The following ZFP69 variants were observed in gnomAD, a reference collection of about 807,000 sequenced individuals.
ZFP69 encodes the protein zinc finger protein 69 homolog.
A neutral mutation model predicts 48.9 loss-of-function variants in ZFP69; 35 were observed. That is an observed-to-expected ratio of 0.72 (90% CI 0.55 to 0.95). The LOEUF (loss-of-function observed/expected upper bound fraction) is 0.95. ZFP69 is among the 40% of genes least tolerant of loss of function. ZFP69 has a pLI of 0.00. For missense variants in ZFP69, 557 were observed against 638.4 expected (o/e 0.87, Z 1.37); for synonymous variants, 193 against 216.8 (o/e 0.89, Z 0.96).
chr1:40,485,897 T>TTTGTTG (rs775563096), intron 3 of ZFP69, among the ~76,000 whole-genome samples: 11 of 151,978 alleles, frequency 7.2e-5, no homozygotes, highest in Non-Finnish European at 1.6e-4. Flanking sequence ...ATAGGTGTGA[T>TTTGTTG]TTGTTGTTGT....
At chr1:40,481,910 A>C in intron 3 of ZFP69, 56 bp downstream of exon 3, 1 of 1,392,726 alleles carries the variant, frequency 7.2e-7, no homozygotes, top group East Asian at 2.3e-5. Context: ...TTTAGGGTAT[A>C]TAACCTGTCT....
chr1:40,496,296 GTTTT>G lies in ZFP69; in HGVS notation c.*241_*244del, dbSNP rs1324080824. ...TCAGCATTATGAAAAATTCATAACA[GTTTT>G]TTTCTGATTTCATGGTGGATTAATA... On this transcript the variant is annotated 3_prime_UTR_variant, in exon 6 of 6. Transcript: ENST00000372706. 1 of 355,998 alleles carries G rather than the reference GTTTT, an allele frequency of 2.8e-6. No homozygotes were observed. The highest frequency in any genetic ancestry group is 5.0e-6 in the Non-Finnish European group (1 of 199,064). The allele number at this position is 355,998 out of a possible 1,614,324, so 22.1% of individuals were successfully genotyped here. A position where few individuals can be genotyped will look rare whatever the true frequency, so the allele number is the denominator to read the frequency against.
rs5773698 is a variant in ZFP69, at chr1:40,478,122, T to TCACACACACACACACACA, written c.-327+238_-327+255dup. On this transcript the variant is annotated intron_variant, in intron 1 of 5. Coordinates refer to ENST00000372706, the MANE Select transcript of ZFP69 (RefSeq NM_001320179.2). Reference sequence around the variant, plus strand: ...ACGCAGCTCCTGTCTCTGCATATAGTCACACACACACACACACACACACAC... The same window carrying TCACACACACACACACACA: ...ACGCAGCTCCTGTCTCTGCATATAGTCACACACACACACACACACACACACACACACACACACACACAC... Among the ~76,000 whole-genome samples the TCACACACACACACACACA allele has an allele frequency of 8.0e-3, 1,174 of 147,220 alleles. 6 individuals carry two copies. The highest frequency in any genetic ancestry group is 0.014 in the Middle Eastern group (4 of 290).
intron 3 of ZFP69, among the ~76,000 whole-genome samples, chr1:40,488,823 A>T (rs898521604): frequency 1.3e-5 from 2 of 151,820 alleles, no homozygotes; most frequent in African/African-American, 4.9e-5. Flanking sequence ...ATCCTGCTTA[A>T]TTTTTTTCTA....
At chr1:40,481,278 TGTG>T (rs1166457932) in intron 2 of ZFP69, among the ~76,000 whole-genome samples, 8 of 145,222 alleles carry the variant, frequency 5.5e-5, no homozygotes, top group Non-Finnish European at 7.6e-5. Context: ...AGACTAATAA[TGTG>T]GTGGGTGGGT....
At chr1:40,493,407 G>A (rs1645589247) in intron 5 of ZFP69, 1 of 152,036 alleles carries the variant, frequency 6.6e-6, no homozygotes, top group Admixed American at 6.5e-5. Flanking sequence ...TACCATGAAT[G>A]TTCTTTCCCA....
chr1:40,495,605 C>T lies in ZFP69; in HGVS notation c.1127C>T (p.Thr376Ile), dbSNP rs1182124439. ...QNISLVQHLR[T>I]HSGEKPFTCN... is the part of the protein sequence containing the mutation. ...ATTAGCTTGGTTCAACATTTGAGGA[C>T]TCATTCTGGAGAGAAACCTTTTACT... Residue 376 changes from threonine to isoleucine, a missense_variant, in exon 6 of 6, where the codon ACT becomes ATT. Coordinates refer to ENST00000372706, the MANE Select transcript of ZFP69 (RefSeq NM_001320179.2). The T allele has an allele frequency of 6.2e-7, 1 of 1,614,202 alleles. No homozygotes were observed. The highest frequency in any genetic ancestry group is 8.5e-7 in the Non-Finnish European group (1 of 1,180,036).
chr1:40,490,272 C>CT (rs1402768104), intron 5 of ZFP69, among the ~76,000 whole-genome samples: 4 of 152,298 alleles, frequency 2.6e-5, no homozygotes, highest in Admixed American at 2.6e-4. Flanking sequence ...TGACCCAACA[C>CT]TTCCCACCAG....
chr1:40,479,600 C>T (rs1360366240), intron 2 of ZFP69, 112 bp downstream of exon 2: 1 of 1,377,328 alleles, frequency 7.3e-7, no homozygotes, highest in Admixed American at 2.9e-5. Flanking sequence ...TCTGGGGGTT[C>T]ATTCTTGTGG....
chr1:40,485,083 G>A (rs975344600), intron 3 of ZFP69, among the ~76,000 whole-genome samples: 2 of 151,446 alleles, frequency 1.3e-5, no homozygotes, highest in Non-Finnish European at 2.9e-5. Context: ...AGTAGAGACT[G>A]GGTTTTGCCA....
chr1:40,484,023 C>G (rs746028528), intron 3 of ZFP69, among the ~76,000 whole-genome samples: 1 of 151,916 alleles, frequency 6.6e-6, no homozygotes, highest in Non-Finnish European at 1.5e-5. Flanking sequence ...TTGCATGAGC[C>G]GAGATTGCGC....
intron 3 of ZFP69, among the ~76,000 whole-genome samples, chr1:40,488,040 C>CAA (rs559767416): frequency 1.1e-4 from 7 of 63,894 alleles, no homozygotes; most frequent in African/African-American, 1.7e-4. Flanking sequence ...GACTCTGTCT[C>CAA]AAAAAAAAAA....
rs1645533257 is a variant in ZFP69, at chr1:40,488,861, T to C, written c.220-227T>C. On this transcript the variant is annotated intron_variant, in intron 3 of 5. Coordinates refer to ENST00000372706, the MANE Select transcript of ZFP69 (RefSeq NM_001320179.2). The stretch of plus-strand genomic sequence containing the variant: ...GTATGTATCACCATCTGTCTTTCTA[T>C]ATATTACATTATTTATAGTAATCTC... Among the ~76,000 whole-genome samples, 3 of 151,864 alleles carry C rather than the reference T, an allele frequency of 2.0e-5. No homozygotes were observed. The South Asian group carries it at 6.2e-4, about 31-fold the overall frequency.
Position 40,484,837 on chromosome 1 carries a change from T to C in ZFP69, c.219+2983T>C, listed in dbSNP as rs1645478916. Reference sequence around the variant, plus strand: ...ACCTCGTGATCCGCCCGCCTCTCCCTCCCAAAGGGCTGAGATTACAGGCAT... The same window carrying C: ...ACCTCGTGATCCGCCCGCCTCTCCCCCCCAAAGGGCTGAGATTACAGGCAT... On this transcript the variant is annotated intron_variant, in intron 3 of 5. Transcript: ENST00000372706. 3.7e-5 allele frequency among the ~76,000 whole-genome samples: 5 copies of C among 134,254 alleles called. No homozygotes were observed. In the Admixed American group the frequency reaches 4.1e-4, roughly 11 times the overall value. The allele number at this position is 134,254 out of a possible 152,430, so 88.1% of individuals were successfully genotyped here.
rs1358476149 is a variant in ZFP69, at chr1:40,477,494, T to G, written c.-727T>G. On this transcript the variant is annotated 5_prime_UTR_variant, in exon 1 of 6. Transcript: ENST00000372706. This position sits in a 1 kb window ranked among gnomAD's most constrained non-coding sequence, Gnocchi z 4.0. ...TTGGCTGCAGCCGCCAGCCCCGTGT[T>G]AAAGCGGCAGCCAGGGAGGTGTATC... is the stretch of plus-strand genomic sequence containing the variant. The G allele has an allele frequency of 1.3e-5, 2 of 152,240 alleles. No individual in the cohort carries two copies. The highest frequency in any genetic ancestry group is 3.9e-4 in the East Asian group (2 of 5,154). 9.4% of individuals were successfully genotyped at this position (152,240 alleles called of 1,614,324 possible). A position where few individuals can be genotyped will look rare whatever the true frequency, so the allele number is the denominator to read the frequency against.
At chr1:40,493,062 C>T (rs1306815253) in intron 5 of ZFP69, 1 of 152,002 alleles carries the variant, frequency 6.6e-6, no homozygotes, top group Non-Finnish European at 1.5e-5. Context: ...TCCATCTGTA[C>T]TAAAAATACA....
At position 40,495,889 on chromosome 1, in the gene ZFP69, C is replaced by T. The variant is rs917897560; in HGVS notation, c.1411C>T (p.Arg471Cys). The T allele has an allele frequency of 2.0e-5, 32 of 1,613,976 alleles. No individual in the cohort carries two copies. Among genetic ancestry groups the T allele is most frequent in the Middle Eastern group, 1.6e-4 (1 of 6,084 alleles). ...HTGVKAYECNRCGKAYRHDSS... is the reference protein window; with the variant it reads ...HTGVKAYECNCCGKAYRHDSS... Reference sequence around the variant, plus strand: ...AGGAGTGAAAGCATATGAATGCAACCGCTGTGGAAAAGCCTATAGGCATGA... The same window carrying T: ...AGGAGTGAAAGCATATGAATGCAACTGCTGTGGAAAAGCCTATAGGCATGA... Residue 471 changes from arginine (R) to cysteine (C), a missense_variant, in exon 6 of 6, where the codon CGC becomes TGC. By Grantham distance (180) the Arg-to-Cys change is radical (BLOSUM62 -3). Coordinates refer to ENST00000372706, the MANE Select transcript of ZFP69 (RefSeq NM_001320179.2).
intron 3 of ZFP69, among the ~76,000 whole-genome samples, chr1:40,487,860 A>C (rs1645517985): frequency 1.3e-5 from 2 of 152,050 alleles, no homozygotes; most frequent in Admixed American, 6.6e-5. Flanking sequence ...CAGTCTGACC[A>C]ACATGGTGAA....
At position 40,494,961 on chromosome 1, in the gene ZFP69, G is replaced by C; in HGVS notation, c.483G>C (p.Lys161Asn). The C allele has an allele frequency of 6.2e-7, 1 of 1,613,460 alleles. No homozygotes were observed. Among genetic ancestry groups the C allele is most frequent in the Non-Finnish European group, 8.5e-7 (1 of 1,179,858 alleles). The change falls in exon 6 of 6, where the codon AAG (lysine) becomes AAC (asparagine). Residue 161 changes from lysine to asparagine, a missense_variant. By Grantham distance (94) the Lys-to-Asn change is moderately conservative (BLOSUM62 0). Transcript: ENST00000372706. The part of the protein sequence containing the change: ...SKIETIESTA[K>N]STISQERLYH... Reference sequence around the variant, plus strand: ...TAGAAACCATTGAGTCAACTGCAAAGAGTACCATTTCACAGGAGCGCTTAT... The same window carrying C: ...TAGAAACCATTGAGTCAACTGCAAACAGTACCATTTCACAGGAGCGCTTAT...
Sources: allele counts gnomAD v4.1 joint callset (sites outside exome capture counted in the v4.1 genomes callset), GRCh38; gene constraint gnomAD v4.1.1; non-coding constraint Gnocchi (gnomAD v3.1); transcripts MANE v1.5; gene names NCBI Gene and HGNC (gene_info 2026-07-23, HGNC 2026-07-21).